The following ZFP64 variants were observed in gnomAD, a reference collection of about 807,000 sequenced individuals.
ZFP64 encodes ZFP64 zinc finger protein, also known as zinc finger protein 64.
Under a neutral mutation model 51.6 loss-of-function variants are expected in ZFP64, and 14 were observed. The ratio of observed to expected loss-of-function variants is 0.27; its 90% CI spans 0.18 to 0.42. The LOEUF is 0.42. Ranked by LOEUF, ZFP64 falls within the 10% of genes least tolerant of loss-of-function variation. The pLI is 1.00. For synonymous variants in ZFP64, 375 were observed against 361.4 expected, an observed-to-expected ratio of 1.04 and a Z score of -0.43; for missense variants, 754 against 906.8, an observed-to-expected ratio of 0.83 and a Z score of 2.16.
chr20:52,165,731 G>A, intron 3 of ZFP64, 133 bp downstream of exon 3: 2 of 1,210,654 alleles, frequency 1.7e-6, no homozygotes, highest in Non-Finnish European at 2.4e-6. Flanking sequence ...GTAAATGCCA[G>A]GGGGCTCTGA....
exon 6 of ZFP64, chr20:52,098,552 A>T: frequency 1.2e-6 from 2 of 1,614,124 alleles, no homozygotes; most frequent in Non-Finnish European, 1.7e-6. Context: ...GTGGAGAGGC[A>T]GTTTGCTTTT....
At chr20:52,129,272 T>C (rs528544225) in intron 5 of ZFP64, among the ~76,000 whole-genome samples, 3 of 151,632 alleles carry the variant, frequency 2.0e-5, no homozygotes, top group Non-Finnish European at 2.9e-5. Flanking sequence ...TTTCTTTTTT[T>C]TTTTGTATTT....
In ZFP64 at chr20:52,151,812, G is replaced by A; in HGVS notation, c.*334C>T. 1 of 1,070,876 alleles carries A rather than the reference G, an allele frequency of 9.3e-7. No individual in the cohort carries two copies. The highest frequency in any genetic ancestry group is 3.1e-5 in the South Asian group (1 of 32,766). 66.3% of individuals were successfully genotyped at this position (1,070,876 alleles called of 1,614,324 possible). ...CACACCTGTAATCCCAGCACTTTGGGAGGCTGAGGTGGGCAGATCACTTGA... is the reference window on the plus strand; with the variant it reads ...CACACCTGTAATCCCAGCACTTTGGAAGGCTGAGGTGGGCAGATCACTTGA... On this transcript the variant is annotated 3_prime_UTR_variant, in exon 6 of 6. Transcript: ENST00000216923.
intron 2 of ZFP64, among the ~76,000 whole-genome samples, chr20:52,185,476 AAATC>A (rs775877595): frequency 7.9e-4 from 113 of 143,630 alleles, no homozygotes; most frequent in Middle Eastern, 3.2e-3. Context: ...CCAGAAAATG[AAATC>A]AGTGTCCTTC....
intron 5 of ZFP64, among the ~76,000 whole-genome samples, chr20:52,159,248 A>G (rs1981573305): frequency 2.0e-5 from 3 of 152,216 alleles, no homozygotes; most frequent in South Asian, 4.1e-4. Flanking sequence ...TGATACACCG[A>G]AAGAAAAAAG....
At chr20:52,171,840 T>A (rs567927882) in intron 2 of ZFP64, among the ~76,000 whole-genome samples, 17 of 151,776 alleles carry the variant, frequency 1.1e-4, no homozygotes, top group Non-Finnish European at 2.1e-4. Flanking sequence ...CTCTGCCTCC[T>A]GGGTTCAAGC....
chr20:52,088,538 T>A, exon 8 of ZFP64: 4 of 1,614,186 alleles, frequency 2.5e-6, no homozygotes, highest in Non-Finnish European at 3.4e-6. Flanking sequence ...GTCACACAGG[T>A]GACACTTGTG....
chr20:52,092,239 T>C (rs1034670741), intron 7 of ZFP64, among the ~76,000 whole-genome samples: 4 of 152,300 alleles, frequency 2.6e-5, no homozygotes, highest in South Asian at 2.1e-4. Context: ...TATTAGAAAT[T>C]CTCTGCTGTT....
At chr20:52,128,682 G>T (rs1006900398) in intron 5 of ZFP64, among the ~76,000 whole-genome samples, 1 of 152,100 alleles carries the variant, frequency 6.6e-6, no homozygotes, top group African/African-American at 2.4e-5. Context: ...ACCACTGGAG[G>T]GCAGCATTAG....
downstream of ZFP64, among the ~76,000 whole-genome samples, chr20:52,146,790 T>G (rs554693603): frequency 1.3e-5 from 2 of 152,336 alleles, no homozygotes; most frequent in South Asian, 4.1e-4. Flanking sequence ...ACATGCAGTC[T>G]GTTGTTGACC....
intron 2 of ZFP64, among the ~76,000 whole-genome samples, chr20:52,180,362 C>T (rs1983528548): frequency 6.6e-6 from 1 of 152,076 alleles, no homozygotes; most frequent in African/African-American, 2.4e-5. Flanking sequence ...TAGTTCACTG[C>T]CCTTGGAATT....
intron 8 of ZFP64, among the ~76,000 whole-genome samples, chr20:52,086,876 A>G (rs1379706543): frequency 6.6e-6 from 1 of 152,196 alleles, no homozygotes; most frequent in African/African-American, 2.4e-5. Flanking sequence ...CTTTGCTGCA[A>G]TCCCAGTTAG....
downstream of ZFP64, among the ~76,000 whole-genome samples, chr20:52,148,657 C>T (rs6021747): frequency 0.36 from 54,582 of 150,488 alleles, 10,523 homozygotes; most frequent in Non-Finnish European, 0.42. Context: ...GCTGAGATCG[C>T]GCCACGGCAC....
intron 2 of ZFP64, among the ~76,000 whole-genome samples, chr20:52,166,513 G>A (rs888187629): frequency 2.0e-5 from 3 of 151,634 alleles, no homozygotes; most frequent in Admixed American, 6.6e-5. Context: ...GGAGTGCAGT[G>A]GCATGATCAC....
At chr20:52,120,029 G>C (rs1373124745) in intron 5 of ZFP64, among the ~76,000 whole-genome samples, 3 of 152,102 alleles carry the variant, frequency 2.0e-5, no homozygotes, top group Non-Finnish European at 1.5e-5. Flanking sequence ...CTTTGGGCAG[G>C]TGTTTGGATC....
At chr20:52,136,783 T>A (rs1339224565) in intron 5 of ZFP64, among the ~76,000 whole-genome samples, 1 of 152,204 alleles carries the variant, frequency 6.6e-6, no homozygotes, top group East Asian at 1.9e-4. Flanking sequence ...TCTTGTTTTT[T>A]TGAGATGGAG....
rs961309294 is a variant in ZFP64, at chr20:52,151,678, T to TA, written c.*467dup. 5 of 992,106 alleles carry TA rather than the reference T, an allele frequency of 5.0e-6. No individual in the cohort carries two copies. In the South Asian group the frequency reaches 1.4e-4, roughly 27 times the overall value. 61.5% of individuals were successfully genotyped at this position (992,106 alleles called of 1,614,324 possible). Reference sequence around the variant, plus strand: ...GGTGGTCTCAAAGTTGTTACAGTGTTAAAAAAATTATAGTAAGCAGTATAA... The same window carrying TA: ...GGTGGTCTCAAAGTTGTTACAGTGTTAAAAAAAATTATAGTAAGCAGTATAA... On this transcript the variant is annotated 3_prime_UTR_variant, in exon 6 of 6. Transcript: ENST00000216923.
chr20:52,100,002 TTC>T (rs1231803189), intron 5 of ZFP64, among the ~76,000 whole-genome samples: 2 of 152,196 alleles, frequency 1.3e-5, no homozygotes, highest in African/African-American at 4.8e-5. Context: ...CTGAAGTTTT[TTC>T]TTTTTTTGAG....
chr20:52,165,806 C>G (rs1345916601), intron 3 of ZFP64, 58 bp downstream of exon 3: 10 of 1,609,918 alleles, frequency 6.2e-6, no homozygotes, highest in Admixed American at 1.7e-5. Flanking sequence ...AGGAGGAGCC[C>G]TGGAGCCTGG....
Sources: allele counts gnomAD v4.1 joint callset (sites outside exome capture counted in the v4.1 genomes callset), GRCh38; gene constraint gnomAD v4.1.1; transcripts MANE v1.5; gene names NCBI Gene and HGNC (gene_info 2026-07-23, HGNC 2026-07-21).